The following EP300 variants were observed in gnomAD, a reference collection of about 807,000 sequenced individuals.
The protein encoded by EP300 is histone acetyltransferase p300.
In EP300, 31 loss-of-function variants were observed where a neutral mutation model predicts 264.0. The ratio of observed to expected loss-of-function variants is 0.12; its 90% CI spans 0.09 to 0.16. The LOEUF is 0.16. Ranked by LOEUF, EP300 falls within the 10% of genes least tolerant of loss-of-function variation. The pLI is 1.00. For missense variants in EP300, 2,766 were observed against 3,052.9 expected, an observed-to-expected ratio of 0.91 and a Z score of 2.21; for synonymous variants, 1,340 against 1,045.4, an observed-to-expected ratio of 1.28 and a Z score of -5.44.
chr22:41,177,108 C>T lies in EP300; in HGVS notation c.5397C>T (p.Asn1799=), dbSNP rs1287037166. The change falls in exon 31 of 31, where the codon AAC becomes AAT. Residue 1799 remains asparagine (N), a synonymous_variant. Coordinates refer to ENST00000263253, the MANE Select transcript of EP300 (RefSeq NM_001429.4). The part of the protein sequence containing the change: ...CCYHAKHCQE[N]KCPVPFCLNI... ...ACCATGCCAAGCACTGCCAGGAGAA[C>T]AAATGCCCGGTGCCGTTCTGCCTAA... 1.2e-6 allele frequency: 2 copies of T among 1,614,154 alleles called. No individual in the cohort carries two copies. Among genetic ancestry groups the T allele is most frequent in the Non-Finnish European group, 1.7e-6 (2 of 1,180,030 alleles).
intron 1 of EP300, among the ~76,000 whole-genome samples, chr22:41,110,481 T>C (rs934598710): frequency 2.7e-4 from 40 of 150,494 alleles, no homozygotes; most frequent in Admixed American, 6.6e-4. Flanking sequence ...TTAGTAGAGA[T>C]GGGATTTCAC....
At chr22:41,102,029 C>A (rs915637716) in intron 1 of EP300, among the ~76,000 whole-genome samples, 1 of 119,262 alleles carries the variant, frequency 8.4e-6, no homozygotes, top group Non-Finnish European at 1.7e-5. Context: ...TTTTTCTTTT[C>A]TTTTTTTTTT....
At chr22:41,120,047 C>T (rs1222469345) in intron 2 of EP300, among the ~76,000 whole-genome samples, 1 of 152,144 alleles carries the variant, frequency 6.6e-6, no homozygotes, top group Admixed American at 6.6e-5. Context: ...CTCCTGACCT[C>T]AAGTGATCTG....
intron 1 of EP300, among the ~76,000 whole-genome samples, chr22:41,101,475 G>A (rs536339630): frequency 1.4e-5 from 2 of 146,158 alleles, no homozygotes; most frequent in Non-Finnish European, 3.0e-5. Context: ...GCAGTGACAC[G>A]ATCTCGGCTC....
Position 41,177,748 on chromosome 22 carries a change from C to G in EP300, c.6037C>G (p.Pro2013Ala), listed in dbSNP as rs2145519046. 6.2e-7 allele frequency: 1 copy of G among 1,613,888 alleles called. No individual in the cohort carries two copies. The highest frequency in any genetic ancestry group is 8.5e-7 in the Non-Finnish European group (1 of 1,180,030). Residue 2013 changes from proline to alanine, a missense_variant, in exon 31 of 31, where the codon CCA becomes GCA. Transcript: ENST00000263253. ...PQQLQSGMPR[P>A]AMMSVAQHGQ... is the part of the protein sequence containing the mutation. ...GCAACTACAGTCTGGGATGCCAAGG[C>G]CAGCCATGATGTCAGTGGCCCAGCA... is the stretch of plus-strand genomic sequence containing the variant.
chr22:41,094,117 AC>A (rs1251662468), intron 1 of EP300, among the ~76,000 whole-genome samples: 1 of 152,120 alleles, frequency 6.6e-6, no homozygotes, highest in Non-Finnish European at 1.5e-5. Flanking sequence ...TTCTTTTCTT[AC>A]AGTTAGTTTA....
chr22:41,119,169 A>ATTT (rs1569091287), intron 2 of EP300, among the ~76,000 whole-genome samples: 4 of 73,198 alleles, frequency 5.5e-5, no homozygotes, highest in Middle Eastern at 7.7e-3. Context: ...TGCCTGGCTT[A>ATTT]TTATTATTTT....
intron 1 of EP300, among the ~76,000 whole-genome samples, chr22:41,110,824 A>G (rs1038119715): frequency 2.6e-5 from 4 of 152,112 alleles, no homozygotes; most frequent in Non-Finnish European, 5.9e-5. Flanking sequence ...CATTGAATCT[A>G]TAGATCAGTA....
In EP300 at chr22:41,135,823, T is replaced by G; in HGVS notation, c.1539T>G (p.Pro513=). The G allele has an allele frequency of 6.2e-7, 1 of 1,613,134 alleles. No individual in the cohort carries two copies. Among genetic ancestry groups the G allele is most frequent in the Non-Finnish European group, 8.5e-7 (1 of 1,179,114 alleles). Reference sequence around the variant, plus strand: ...TTCATTTTGACTTAGGTGCTAGTCCTATGGGAGTAAATGGAGGTGTAGGAG... The same window carrying G: ...TTCATTTTGACTTAGGTGCTAGTCCGATGGGAGTAAATGGAGGTGTAGGAG... The part of the protein sequence containing the change: ...MRPMSNMSAS[P]MGVNGGVGVQ... Residue 513 remains proline, a synonymous_variant, in exon 7 of 31, where the codon CCT becomes CCG. Coordinates refer to ENST00000263253, the MANE Select transcript of EP300 (RefSeq NM_001429.4).
At chr22:41,167,618 ATATATATATATATATAT>A (rs2059145436) in intron 23 of EP300, among the ~76,000 whole-genome samples, 1 of 51,796 alleles carries the variant, frequency 1.9e-5, no homozygotes, top group African/African-American at 5.9e-5. Context: ...ATATATATAT[ATATATATATATATATAT>A]AATGTTTGGT....
chr22:41,118,549 G>A (rs2058833924), intron 2 of EP300, among the ~76,000 whole-genome samples: 1 of 152,244 alleles, frequency 6.6e-6, no homozygotes, highest in South Asian at 2.1e-4. Flanking sequence ...TTTGTTGAAT[G>A]AGAGATGGCT....
At chr22:41,156,588 G>A (rs1456216697) in intron 17 of EP300, among the ~76,000 whole-genome samples, 2 of 152,086 alleles carry the variant, frequency 1.3e-5, no homozygotes, top group Non-Finnish European at 2.9e-5. Context: ...GGGCGTGGTG[G>A]TGCACGCCTG....
intron 13 of EP300, 35 bp downstream of exon 13, chr22:41,149,210 G>T (rs770121236): frequency 5.0e-5 from 80 of 1,613,306 alleles, no homozygotes; most frequent in Non-Finnish European, 6.7e-5. Context: ...ACTTATTTTT[G>T]ATTCTTGAAA....
chr22:41,115,524 C>T (rs1371236904), intron 1 of EP300, among the ~76,000 whole-genome samples: 1 of 152,178 alleles, frequency 6.6e-6, no homozygotes, highest in African/African-American at 2.4e-5. Context: ...CCTCAAATTC[C>T]TGGACTCAAG....
At chr22:41,155,247 A>C in intron 17 of EP300, 134 bp downstream of exon 17, 2 of 803,546 alleles carry the variant, frequency 2.5e-6, no homozygotes, top group East Asian at 4.9e-5. Flanking sequence ...TTTCCCCCTG[A>C]GACAGGGTCT....
At position 41,149,910 on chromosome 22, in the gene EP300, C is replaced by T. The variant is rs1205516970; in HGVS notation, c.2529C>T (p.His843=). The T allele has an allele frequency of 5.0e-6, 8 of 1,613,700 alleles. No homozygotes were observed. In the African/African-American group the frequency reaches 1.1e-4, roughly 22 times the overall value. Residue 843 remains histidine, a synonymous_variant, in exon 14 of 31, where the codon CAC becomes CAT. Transcript: ENST00000263253. ...TACCTAGTCGTACCCCCACCCCTCA[C>T]CATACTCCCCCAAGCATAGGGGCTC... ...SPVPSRTPTP[H]HTPPSIGAQQ...
chr22:41,170,289 G>T, intron 26 of EP300, 117 bp from the exon 27 acceptor site: 3 of 948,594 alleles, frequency 3.2e-6, no homozygotes, highest in East Asian at 2.5e-5. Flanking sequence ...TATATACACT[G>T]TGTTATCTTG....
At chr22:41,098,394 C>T (rs778341504) in intron 1 of EP300, among the ~76,000 whole-genome samples, 7 of 152,070 alleles carry the variant, frequency 4.6e-5, no homozygotes, top group African/African-American at 9.7e-5. Context: ...TTTTTTGAGA[C>T]GGAGTCTCGC....
intron 16 of EP300, among the ~76,000 whole-genome samples, chr22:41,153,878 C>G (rs1165425313): frequency 6.6e-6 from 1 of 152,070 alleles, no homozygotes; most frequent in African/African-American, 2.4e-5. Flanking sequence ...ATGGCAACCC[C>G]CCAGAGGTGA....
Sources: gnomAD v4.1 joint callset for allele counts (sites outside exome capture counted in the v4.1 genomes callset) on GRCh38, gnomAD v4.1.1 for gene constraint, MANE v1.5 for transcripts, NCBI Gene and HGNC (gene_info 2026-07-23, HGNC 2026-07-21) for gene names.